EYS: variants seen among roughly 807,000 people sequenced by gnomAD.
The protein encoded by EYS is EGF-like photoreceptor maintenance factor.
In EYS, 250 loss-of-function variants were observed where a neutral mutation model predicts 282.1. The observed-to-expected ratio is 0.89, with a 90% CI of 0.80 to 0.98. The LOEUF (loss-of-function observed/expected upper bound fraction) is 0.98, where lower values mean the gene tolerates loss of function less well. Ranked by LOEUF, EYS falls within the 50% of genes least tolerant of loss-of-function variation. EYS has a pLI of 0.00. For synonymous variants in EYS, 1,355 were observed against 1,282.9 expected (o/e 1.06, Z -1.20); for missense variants, 4,016 against 3,709.0 (o/e 1.08, Z -2.15).
At chr6:65,610,118 G>A (rs1319446663) in intron 2 of EYS, among the ~76,000 whole-genome samples, 1 of 151,892 alleles carries the variant, frequency 6.6e-6, no homozygotes, top group Non-Finnish European at 1.5e-5. Flanking sequence ...AAGTTGTCCA[G>A]ACTTGAAGCA....
intron 32 of EYS, among the ~76,000 whole-genome samples, chr6:64,071,879 A>G (rs1771593651): frequency 6.6e-6 from 1 of 151,644 alleles, no homozygotes; most frequent in African/African-American, 2.4e-5. Flanking sequence ...GGTCCCTGAT[A>G]CTAGGGAACA....
intron 12 of EYS, among the ~76,000 whole-genome samples, chr6:65,169,348 G>A (rs2150226366): frequency 6.6e-6 from 1 of 151,456 alleles, no homozygotes; most frequent in South Asian, 2.1e-4. Context: ...GATAACACAA[G>A]CAAATATGAT....
chr6:65,257,932 AT>A (rs1205401497), intron 12 of EYS, among the ~76,000 whole-genome samples: 10 of 152,132 alleles, frequency 6.6e-5, no homozygotes, highest in African/African-American at 2.4e-4. Context: ...TATTGATAGC[AT>A]GATCAGGTGA....
intron 22 of EYS, among the ~76,000 whole-genome samples, chr6:64,810,148 G>T (rs1764549560): frequency 6.6e-6 from 1 of 151,814 alleles, no homozygotes; most frequent in African/African-American, 2.4e-5. Context: ...AAATTCCCCT[G>T]ACTTGAAGAA....
At chr6:64,183,825 C>T (rs1764853557) in intron 31 of EYS, among the ~76,000 whole-genome samples, 2 of 152,040 alleles carry the variant, frequency 1.3e-5, no homozygotes, top group African/African-American at 4.8e-5. Context: ...TAAAATTTTC[C>T]CTTTTTATGG....
At position 64,749,605 on chromosome 6, in the gene EYS, T is replaced by TA. The variant is rs199691017; in HGVS notation, c.3443+63772dup. 9.7e-4 allele frequency among the ~76,000 whole-genome samples: 147 copies of TA among 151,158 alleles called. No homozygotes were observed. In the East Asian group the frequency reaches 0.015, roughly 15 times the overall value. ...AGGTTGAATAATTCAACGACTATTC[T>TA]AAAAAAAAACATTTTAGCAAGTCTT... On this transcript the variant is annotated intron_variant, in intron 22 of 42. Coordinates refer to ENST00000503581, the MANE Select transcript of EYS (RefSeq NM_001142800.2).
intron 29 of EYS, among the ~76,000 whole-genome samples, chr6:64,368,729 G>A (rs1315339442): frequency 6.6e-6 from 1 of 152,024 alleles, no homozygotes; most frequent in Non-Finnish European, 1.5e-5. Flanking sequence ...GTTTGTTCAT[G>A]TCCTTTGCCC....
rs145623427 is a variant in EYS, at chr6:64,006,469, T to A, written c.6726-7286A>T. 1.6e-3 allele frequency among the ~76,000 whole-genome samples: 249 copies of A among 152,294 alleles called. 2 individuals are homozygous for A. The East Asian group carries it at 0.036, about 22-fold the overall frequency. ...TTGACTTCCTCTTTTCTTACTTGGA[T>A]GACTTTTATTTCTTACTCTTGCCTG... On this transcript the variant is annotated intron_variant, in intron 33 of 42. Transcript: ENST00000503581.
At chr6:64,114,653 T>A (rs1773315883) in intron 31 of EYS, among the ~76,000 whole-genome samples, 1 of 152,182 alleles carries the variant, frequency 6.6e-6, no homozygotes, top group Admixed American at 6.5e-5. Flanking sequence ...TCTAGTGGCT[T>A]ACTCTGCAGA....
At chr6:65,408,214 TC>T (rs1367323641) in intron 5 of EYS, among the ~76,000 whole-genome samples, 1 of 152,172 alleles carries the variant, frequency 6.6e-6, no homozygotes, top group Non-Finnish European at 1.5e-5. Flanking sequence ...GTGGAGATTT[TC>T]TATCTTTATT....
At chr6:64,516,252 C>CA (rs1425589603) in intron 26 of EYS, among the ~76,000 whole-genome samples, 2 of 150,902 alleles carry the variant, frequency 1.3e-5, no homozygotes, top group Non-Finnish European at 3.0e-5. Context: ...ATAATCTCTA[C>CA]AAAAAACAGC....
intron 18 of EYS, among the ~76,000 whole-genome samples, chr6:64,901,619 T>A (rs1380542333): frequency 1.3e-5 from 2 of 152,074 alleles, no homozygotes; most frequent in East Asian, 3.9e-4. Flanking sequence ...TCGGACATAC[T>A]AGTACTTGTG....
intron 12 of EYS, among the ~76,000 whole-genome samples, chr6:65,097,273 T>C (rs1029382853): frequency 2.0e-5 from 3 of 150,794 alleles, no homozygotes; most frequent in African/African-American, 7.3e-5. Context: ...ATCAGGGAAA[T>C]GGAAATCAAA....
intron 12 of EYS, among the ~76,000 whole-genome samples, chr6:65,212,956 T>C (rs1766210731): frequency 6.6e-6 from 1 of 152,164 alleles, no homozygotes; most frequent in Non-Finnish European, 1.5e-5. Flanking sequence ...GCTTATATTT[T>C]ATGTAATTTT....
rs563575577 is a variant in EYS at position 64,516,755 on chromosome 6, C to A, written c.5644+73468G>T. On this transcript the variant is annotated intron_variant, in intron 26 of 42. Transcript: ENST00000503581. Reference sequence around the variant, plus strand: ...TAAAATGGTTTCATAGATGTTTAGTCTAATAAAATTTGTTTTTTTCTATGA... The same window carrying A: ...TAAAATGGTTTCATAGATGTTTAGTATAATAAAATTTGTTTTTTTCTATGA... Among the ~76,000 whole-genome samples the A allele has an allele frequency of 1.7e-3, 254 of 151,748 alleles. 1 individual carries two copies. Among genetic ancestry groups the A allele is most frequent in the African/African-American group, 5.8e-3 (242 of 41,460 alleles).
intron 28 of EYS, among the ~76,000 whole-genome samples, chr6:64,389,231 C>T (rs1307542102): frequency 6.6e-6 from 1 of 151,966 alleles, no homozygotes; most frequent in African/African-American, 2.4e-5. Context: ...ACAATATATA[C>T]TTAGGTGGAA....
At chr6:65,208,405 G>T (rs1766090252) in intron 12 of EYS, among the ~76,000 whole-genome samples, 1 of 151,688 alleles carries the variant, frequency 6.6e-6, no homozygotes, top group Non-Finnish European at 1.5e-5. Context: ...ATGTATCAAA[G>T]AACTAAAACT....
intron 22 of EYS, among the ~76,000 whole-genome samples, chr6:64,742,400 A>AATTTTAAAT (rs1422235489): frequency 6.6e-6 from 1 of 152,200 alleles, no homozygotes; most frequent in Non-Finnish European, 1.5e-5. Flanking sequence ...ATATAGTGAA[A>AATTTTAAAT]ATTACCAAAA....
At chr6:64,328,087 A>G (rs530514034) in intron 29 of EYS, among the ~76,000 whole-genome samples, 5 of 152,348 alleles carry the variant, frequency 3.3e-5, no homozygotes, top group African/African-American at 1.2e-4. Context: ...GCCCTTCTCT[A>G]CTACTGATCT....
Sources: allele counts gnomAD v4.1 joint callset (sites outside exome capture counted in the v4.1 genomes callset), GRCh38; gene constraint gnomAD v4.1.1; transcripts MANE v1.5; gene names NCBI Gene and HGNC (gene_info 2026-07-23, HGNC 2026-07-21).